Variants in PRH1 observed in about 807,000 individuals in gnomAD.
The protein encoded by PRH1 is proline rich protein HaeIII subfamily 1.
In PRH1, 7 loss-of-function variants were observed where a neutral mutation model predicts 7.9. That is an observed-to-expected ratio of 0.89 (90% CI 0.50 to 1.67). The LOEUF (loss-of-function observed/expected upper bound fraction) is 1.67. PRH1 is among the 40% of genes most tolerant of loss of function. The pLI is 0.00. For synonymous variants in PRH1, 45 were observed against 80.8 expected, an observed-to-expected ratio of 0.56 and a Z score of 2.38; for missense variants, 109 against 223.6, an observed-to-expected ratio of 0.49 and a Z score of 3.27.
At chr12:10,985,932 T>C in intron 1 of PRH1, 1 of 1,572,884 alleles carries the variant, frequency 6.4e-7, no homozygotes, top group South Asian at 1.2e-5. Context: ...CTTGTGAATC[T>C]AGAGAGTTGA....
chr12:10,928,677 T>C (rs1950157132), intron 2 of PRH1, among the ~76,000 whole-genome samples: 1 of 152,232 alleles, frequency 6.6e-6, no homozygotes, highest in African/African-American at 2.4e-5. Flanking sequence ...GTCATCTATG[T>C]GTACCCAGCA....
intron 1 of PRH1, among the ~76,000 whole-genome samples, chr12:11,125,961 A>G (rs1946110694): frequency 1.3e-5 from 2 of 152,260 alleles, no homozygotes; most frequent in South Asian, 4.1e-4. Context: ...TATTCAGCAA[A>G]AATTCTAATT....
At chr12:10,989,190 A>T (rs1165755916) in intron 1 of PRH1, among the ~76,000 whole-genome samples, 3 of 151,706 alleles carry the variant, frequency 2.0e-5, no homozygotes, top group African/African-American at 7.3e-5. Flanking sequence ...CCTTTAAGCC[A>T]TATGTAGGTG....
At chr12:10,982,587 G>C (rs1354508345) in intron 1 of PRH1, among the ~76,000 whole-genome samples, 33 of 152,144 alleles carry the variant, frequency 2.2e-4, no homozygotes, top group Non-Finnish European at 2.6e-4. Flanking sequence ...TTCTGTCAGG[G>C]CTGTCACTTC....
intron 1 of PRH1, chr12:11,171,194 G>C: frequency 4.9e-6 from 2 of 411,962 alleles, no homozygotes; most frequent in Non-Finnish European, 8.3e-6. Flanking sequence ...CGGCGCCCGG[G>C]GCTACGCGCC....
chr12:11,060,448 G>T (rs1236924792), intron 1 of PRH1, among the ~76,000 whole-genome samples: 1 of 136,258 alleles, frequency 7.3e-6, no homozygotes, highest in South Asian at 2.4e-4. Context: ...TAAATGGAAG[G>T]TAAGGGTATA....
chr12:11,057,452 G>T (rs924477002), intron 1 of PRH1, among the ~76,000 whole-genome samples: 1 of 152,160 alleles, frequency 6.6e-6, no homozygotes, highest in African/African-American at 2.4e-5. Context: ...CATTCTTCGT[G>T]AACTGTAGAG....
intron 2 of PRH1, among the ~76,000 whole-genome samples, chr12:10,905,796 A>G (rs1438711092): frequency 1.3e-5 from 2 of 152,188 alleles, no homozygotes; most frequent in African/African-American, 4.8e-5. Flanking sequence ...CATTGTCCTG[A>G]GTGAATTAAT....
chr12:11,007,219 G>A (rs1365633445), intron 1 of PRH1, among the ~76,000 whole-genome samples: 2 of 152,094 alleles, frequency 1.3e-5, no homozygotes, highest in African/African-American at 4.8e-5. Context: ...GGAACCACAA[G>A]AAGGCCAATA....
chr12:11,041,016 G>GA (rs1195123233), intron 1 of PRH1, among the ~76,000 whole-genome samples: 1 of 151,678 alleles, frequency 6.6e-6, no homozygotes, highest in Non-Finnish European at 1.5e-5. Context: ...CTTCACTAAT[G>GA]AAAAATAGGA....
At chr12:10,991,369 T>C (rs529808272) in intron 1 of PRH1, among the ~76,000 whole-genome samples, 35 of 152,272 alleles carry the variant, frequency 2.3e-4, no homozygotes, top group Non-Finnish European at 4.9e-4. Context: ...TTATATCATT[T>C]TTTTCTATAA....
intron 1 of PRH1, chr12:10,997,120 A>G (rs752878509): frequency 6.2e-7 from 1 of 1,614,082 alleles, no homozygotes; most frequent in South Asian, 1.1e-5. Context: ...GTCGCATCTT[A>G]AAATTCCAAA....
intron 1 of PRH1, among the ~76,000 whole-genome samples, chr12:10,989,054 C>T (rs372503157): frequency 6.6e-6 from 1 of 152,124 alleles, no homozygotes; most frequent in African/African-American, 2.4e-5. Context: ...GTGATCCACC[C>T]GCCTCGGCCT....
chr12:11,045,151 C>A (rs986696816), intron 1 of PRH1, among the ~76,000 whole-genome samples: 1 of 151,912 alleles, frequency 6.6e-6, no homozygotes, highest in Non-Finnish European at 1.5e-5. Context: ...CTGTCATTTG[C>A]AGCAATATAT....
chr12:11,123,754 C>G (rs1945998492), intron 1 of PRH1, among the ~76,000 whole-genome samples: 1 of 152,158 alleles, frequency 6.6e-6, no homozygotes. Flanking sequence ...TTGTAGCTAT[C>G]TTCCAATTCA....
At chr12:11,138,022 T>G (rs1429169721) in intron 1 of PRH1, among the ~76,000 whole-genome samples, 1 of 152,144 alleles carries the variant, frequency 6.6e-6, no homozygotes, top group African/African-American at 2.4e-5. Flanking sequence ...TCACGTGGTA[T>G]TTCATCAAGA....
intron 1 of PRH1, among the ~76,000 whole-genome samples, chr12:11,033,624 C>A (rs992979198): frequency 4.6e-5 from 7 of 152,068 alleles, no homozygotes; most frequent in African/African-American, 1.7e-4. Context: ...AGAAGAAATC[C>A]TTTGGAAAGA....
intron 1 of PRH1, among the ~76,000 whole-genome samples, chr12:10,992,674 A>C (rs1484015605): frequency 6.6e-6 from 1 of 152,114 alleles, no homozygotes; most frequent in East Asian, 1.9e-4. Context: ...CAGCCTCCCA[A>C]ATTGTTTGGA....
chr12:11,123,701 CTCTAG>C (rs1945996463), intron 1 of PRH1, among the ~76,000 whole-genome samples: 1 of 150,932 alleles, frequency 6.6e-6, no homozygotes, highest in African/African-American at 2.4e-5. Flanking sequence ...ATTTGTTACC[CTCTAG>C]TCTTATATTT....
Sources: gnomAD v4.1 joint callset for allele counts (sites outside exome capture counted in the v4.1 genomes callset) on GRCh38, gnomAD v4.1.1 for gene constraint, MANE v1.5 for transcripts, NCBI Gene and HGNC (gene_info 2026-07-23, HGNC 2026-07-21) for gene names.